Variants in ZBED4 observed in about 807,000 individuals in gnomAD.
ZBED4 encodes zinc finger BED-type containing 4, also known as zinc finger BED domain-containing protein 4.
A neutral mutation model predicts 15.5 loss-of-function variants in ZBED4; 4 were observed. The observed-to-expected ratio is 0.26, with a 90% confidence interval of 0.13 to 0.59. The LOEUF is 0.59. Ranked by LOEUF, ZBED4 falls within the 20% of genes least tolerant of loss-of-function variation. ZBED4 has a pLI of 0.90. For missense variants in ZBED4, 1,323 were observed against 1,461.8 expected (o/e 0.91, Z 1.55); for synonymous variants, 692 against 608.5 (o/e 1.14, Z -2.02).
At chr22:49,870,633 G>A (rs2060342307) in intron 1 of ZBED4, among the ~76,000 whole-genome samples, 1 of 152,052 alleles carries the variant, frequency 6.6e-6, no homozygotes, top group Admixed American at 6.6e-5. Flanking sequence ...CTTTCGAGAA[G>A]TATCTGTTCA....
intron 1 of ZBED4, among the ~76,000 whole-genome samples, chr22:49,871,864 C>T (rs1188065305): frequency 6.6e-6 from 1 of 151,568 alleles, no homozygotes; most frequent in East Asian, 1.9e-4. Flanking sequence ...AAGCGATTCT[C>T]CTGCCTCAGT....
intron 1 of ZBED4, among the ~76,000 whole-genome samples, chr22:49,877,703 T>TGA (rs1386354751): frequency 6.6e-6 from 1 of 152,178 alleles, no homozygotes; most frequent in African/African-American, 2.4e-5. Flanking sequence ...ACAGCTGCTG[T>TGA]GAACATTTGC....
intron 1 of ZBED4, among the ~76,000 whole-genome samples, chr22:49,864,732 G>T (rs1365306688): frequency 6.9e-6 from 1 of 145,942 alleles, no homozygotes; most frequent in Non-Finnish European, 1.5e-5. Flanking sequence ...GAGGCGGGAG[G>T]ATTGCTTGGG....
rs766048213 is a variant in ZBED4, at chr22:49,886,459, G to A, written c.2797G>A (p.Val933Met). 4.1e-5 allele frequency: 64 copies of A among 1,574,120 alleles called. No homozygotes were observed. Among genetic ancestry groups the A allele is most frequent in the Non-Finnish European group, 4.8e-5 (56 of 1,157,952 alleles). ...SCDQWEVMQS[V>M]CRALKPFEAA... Reference sequence around the variant, plus strand: ...CGACCAGTGGGAGGTCATGCAGTCCGTGTGCCGTGCGCTAAAGCCCTTCGA... The same window carrying A: ...CGACCAGTGGGAGGTCATGCAGTCCATGTGCCGTGCGCTAAAGCCCTTCGA... The change falls in exon 2 of 2, where the codon GTG becomes ATG. Residue 933 changes from valine to methionine, a missense_variant. By Grantham distance (21) the Val-to-Met change is conservative. Coordinates refer to ENST00000216268, the MANE Select transcript of ZBED4 (RefSeq NM_014838.3). This position sits in a 1 kb window ranked among gnomAD's most constrained non-coding sequence, Gnocchi z 7.7.
At chr22:49,857,673 C>T (rs764708300) in intron 1 of ZBED4, among the ~76,000 whole-genome samples, 14 of 152,190 alleles carry the variant, frequency 9.2e-5, no homozygotes, top group Admixed American at 2.0e-4. Flanking sequence ...CTCACTGCAA[C>T]CTCTGTCTCC....
At chr22:49,856,792 ACC>A (rs869074825) in intron 1 of ZBED4, among the ~76,000 whole-genome samples, 5 of 125,426 alleles carry the variant, frequency 4.0e-5, no homozygotes, top group African/African-American at 1.4e-4. Flanking sequence ...CCGGCTTCCC[ACC>A]CCTCGTTCTA....
Position 49,884,293 on chromosome 22 carries a change from A to C in ZBED4, c.631A>C (p.Lys211Gln). 1 of 1,613,082 alleles carries C rather than the reference A, an allele frequency of 6.2e-7. No homozygotes were observed. Among genetic ancestry groups the C allele is most frequent in the South Asian group, 1.1e-5 (1 of 90,920 alleles). ...TILSPIKLVQ[K>Q]VASKIPSPDR... ...CCTCTCACCCATCAAACTTGTCCAG[A>C]AAGTGGCGTCTAAGATCCCGTCCCC... The change falls in exon 2 of 2, where the codon AAA becomes CAA. Residue 211 changes from lysine (K) to glutamine (Q), a missense_variant. Around this residue, in one of 6 missense-constraint regions of ZBED4, gnomAD observed 380 missense variants for 413.7 expected, o/e 0.92. Coordinates refer to ENST00000216268, the MANE Select transcript of ZBED4 (RefSeq NM_014838.3).
At chr22:49,881,188 A>C (rs2060407755) in intron 1 of ZBED4, among the ~76,000 whole-genome samples, 1 of 152,208 alleles carries the variant, frequency 6.6e-6, no homozygotes, top group Non-Finnish European at 1.5e-5. Flanking sequence ...TCTACTAAAA[A>C]TACAAAAGGA....
rs371893845 is a variant in ZBED4 at position 49,872,024 on chromosome 22, G to A, written c.-329-11310G>A. 6.6e-5 allele frequency among the ~76,000 whole-genome samples: 10 copies of A among 152,220 alleles called. No individual in the cohort carries two copies. In the South Asian group the frequency reaches 1.2e-3, roughly 19 times the overall value. ...CTACCAAAGTGCTGGGATTACAGGC[G>A]TGAGCCACTGCACCCGGCTGACAAT... On this transcript the variant is annotated intron_variant, in intron 1 of 1. Transcript: ENST00000216268.
chr22:49,869,245 T>C (rs2060335247), intron 1 of ZBED4, among the ~76,000 whole-genome samples: 1 of 152,068 alleles, frequency 6.6e-6, no homozygotes, highest in Non-Finnish European at 1.5e-5. Flanking sequence ...CGTACACACA[T>C]GCATGTTGGT....
chr22:49,861,102 G>A (rs1210812399), intron 1 of ZBED4, among the ~76,000 whole-genome samples: 3 of 152,070 alleles, frequency 2.0e-5, no homozygotes, highest in African/African-American at 7.2e-5. Context: ...CTTCTGCTAC[G>A]TCCTGTAAAA....
chr22:49,874,429 A>G (rs2060365100), intron 1 of ZBED4, among the ~76,000 whole-genome samples: 1 of 150,050 alleles, frequency 6.7e-6, no homozygotes, highest in Non-Finnish European at 1.5e-5. Context: ...TCTATCTCCC[A>G]GGCTGGAGTG....
rs58224171 is a variant in ZBED4, at chr22:49,871,757, A to ATTTTT, written c.-329-11566_-329-11562dup. ...GCTGTGACAATTTATTTATTTATTT[A>ATTTTT]TTTTTTTTTTTTTTTGAGACAGAGT... On this transcript the variant is annotated intron_variant, in intron 1 of 1. Coordinates refer to ENST00000216268, the MANE Select transcript of ZBED4 (RefSeq NM_014838.3). 1.6e-4 allele frequency among the ~76,000 whole-genome samples: 10 copies of ATTTTT among 62,174 alleles called. No homozygotes were observed. In the South Asian group the frequency reaches 3.1e-3, roughly 19 times the overall value. The allele number at this position is 62,174 out of a possible 152,430, so 40.8% of individuals were successfully genotyped here.
rs1201157030 is a variant in ZBED4, at chr22:49,884,460, T to G, written c.798T>G (p.Pro266=). ...TCCCTGCTCTCCATTACGATGAACC[T>G]GCAGAGAACTTAGCGGAGAAGAGCC... ...PHLPALHYDE[P]AENLAEKSLP... Residue 266 remains proline (P), a synonymous_variant, in exon 2 of 2, where the codon CCT becomes CCG. Coordinates refer to ENST00000216268, the MANE Select transcript of ZBED4 (RefSeq NM_014838.3). The G allele has an allele frequency of 5.0e-6, 8 of 1,614,120 alleles. No individual in the cohort carries two copies. The South Asian group carries it at 8.8e-5, about 18-fold the overall frequency.
intron 1 of ZBED4, among the ~76,000 whole-genome samples, chr22:49,882,884 T>C (rs1043794593): frequency 6.6e-6 from 1 of 152,234 alleles, no homozygotes; most frequent in Admixed American, 6.5e-5. Flanking sequence ...TTCGTCTGGG[T>C]TGATGATTTC....
At chr22:49,854,157 C>T (rs2060264652) in intron 1 of ZBED4, among the ~76,000 whole-genome samples, 168 bp downstream of exon 1, 1 of 145,744 alleles carries the variant, frequency 6.9e-6, no homozygotes, top group African/African-American at 2.5e-5. Flanking sequence ...CGCCCGGCGC[C>T]GCCCCGGACC....
rs557444899 is a variant in ZBED4 at position 49,858,704 on chromosome 22, A to G, written c.-330+4715A>G. On this transcript the variant is annotated intron_variant, in intron 1 of 1. Transcript: ENST00000216268. ...TCTACTGTCTAATGACAGTCGCGTCATCGATGGCGTCTACAAAACGTGACT... is the reference window on the plus strand; with the variant it reads ...TCTACTGTCTAATGACAGTCGCGTCGTCGATGGCGTCTACAAAACGTGACT... Among the ~76,000 whole-genome samples, 13 of 152,328 alleles carry G rather than the reference A, an allele frequency of 8.5e-5. No homozygotes were observed. In the East Asian group the frequency reaches 1.9e-3, roughly 23 times the overall value.
chr22:49,864,467 G>A (rs1462469082), intron 1 of ZBED4, among the ~76,000 whole-genome samples: 3 of 152,124 alleles, frequency 2.0e-5, no homozygotes, highest in Admixed American at 6.6e-5. Context: ...CAGATGCTTC[G>A]CAACTCAGGA....
chr22:49,867,396 G>A (rs1291873886), intron 1 of ZBED4, among the ~76,000 whole-genome samples: 3 of 152,218 alleles, frequency 2.0e-5, no homozygotes, highest in South Asian at 2.1e-4. Flanking sequence ...GGGAGGCACT[G>A]CGGTGCATCC....
Sources: allele counts gnomAD v4.1 joint callset (sites outside exome capture counted in the v4.1 genomes callset), GRCh38; gene constraint gnomAD v4.1.1; regional missense constraint gnomAD v4.1.1; non-coding constraint Gnocchi (gnomAD v3.1); transcripts MANE v1.5; gene names NCBI Gene and HGNC (gene_info 2026-07-23, HGNC 2026-07-21).